DGKB: variants seen among roughly 807,000 people sequenced by gnomAD.
DGKB encodes diacylglycerol kinase beta.
A neutral mutation model predicts 114.3 loss-of-function variants in DGKB; 67 were observed. The ratio of observed to expected loss-of-function variants is 0.59; its 90% CI spans 0.48 to 0.72. DGKB has a LOEUF of 0.72. Ranked by LOEUF, DGKB falls within the 30% of genes least tolerant of loss-of-function variation. The probability of loss-of-function intolerance (pLI) is 0.00; values close to 1 mark genes in which losing one functional copy is unlikely to be tolerated. For synonymous variants in DGKB, 398 were observed against 323.1 expected (o/e 1.23, Z -2.49); for missense variants, 907 against 975.2 (o/e 0.93, Z 0.93).
rs534652424 is a variant in DGKB, at chr7:14,203,130, C to T, written c.2123-24979G>A. 8.3e-5 allele frequency among the ~76,000 whole-genome samples: 10 copies of T among 120,086 alleles called. No individual in the cohort carries two copies. The East Asian group carries it at 1.3e-3, about 16-fold the overall frequency. 78.8% of individuals were successfully genotyped at this position (120,086 alleles called of 152,430 possible). A position where few individuals can be genotyped will look rare whatever the true frequency, so the allele number is the denominator to read the frequency against. The stretch of plus-strand genomic sequence containing the variant: ...TCAACAGATGTGCGAATAATCTCTA[C>T]TTCGGGGCCAGTATCAAAAAGAGCA... On this transcript the variant is annotated intron_variant, in intron 23 of 25. Transcript: ENST00000402815.
intron 21 of DGKB, among the ~76,000 whole-genome samples, chr7:14,353,154 T>C (rs1395447153): frequency 6.6e-6 from 1 of 152,142 alleles, no homozygotes; most frequent in Non-Finnish European, 1.5e-5. Flanking sequence ...CAAATGTCTC[T>C]CATTATATAC....
chr7:14,537,908 C>G (rs1792779068), intron 20 of DGKB, among the ~76,000 whole-genome samples: 1 of 151,952 alleles, frequency 6.6e-6, no homozygotes, highest in African/African-American at 2.4e-5. Flanking sequence ...TGGAGAAACC[C>G]CGTCTCTACT....
intron 2 of DGKB, among the ~76,000 whole-genome samples, chr7:14,830,838 T>C (rs889956545): frequency 6.6e-6 from 1 of 152,032 alleles, no homozygotes; most frequent in Admixed American, 6.6e-5. Context: ...TATTTTTCTA[T>C]GTTCATTTTA....
intron 17 of DGKB, among the ~76,000 whole-genome samples, chr7:14,589,740 C>T (rs1009294861): frequency 6.6e-6 from 1 of 151,986 alleles, no homozygotes; most frequent in Admixed American, 6.6e-5. Context: ...TCCTTTCAGG[C>T]ACCCAAATTG....
chr7:14,491,439 C>G (rs1286524205), intron 20 of DGKB, among the ~76,000 whole-genome samples: 1 of 152,024 alleles, frequency 6.6e-6, no homozygotes, highest in Non-Finnish European at 1.5e-5. Flanking sequence ...TACCCAGTCT[C>G]AGGTATGTCT....
intron 5 of DGKB, among the ~76,000 whole-genome samples, chr7:14,730,283 T>C (rs1426481842): frequency 2.6e-5 from 4 of 152,210 alleles, no homozygotes; most frequent in African/African-American, 9.7e-5. Context: ...GGAGTTGGCA[T>C]GGGTGGCGAT....
At chr7:14,726,667 C>T (rs1830078935) in intron 5 of DGKB, among the ~76,000 whole-genome samples, 1 of 152,204 alleles carries the variant, frequency 6.6e-6, no homozygotes, top group Admixed American at 6.5e-5. Flanking sequence ...ATGTCTTGGG[C>T]CATCCATCAT....
intron 13 of DGKB, among the ~76,000 whole-genome samples, chr7:14,647,630 T>G (rs56300732): frequency 0.68 from 102,719 of 151,484 alleles, 35,271 homozygotes; most frequent in East Asian, 0.79. Flanking sequence ...AGATAATTCA[T>G]GGGGGAGGAG....
chr7:14,359,390 T>A (rs1815249353), intron 21 of DGKB, among the ~76,000 whole-genome samples: 1 of 152,132 alleles, frequency 6.6e-6, no homozygotes, highest in Non-Finnish European at 1.5e-5. Flanking sequence ...GGCAATACCA[T>A]TCTGGACATA....
intron 13 of DGKB, among the ~76,000 whole-genome samples, chr7:14,637,692 A>G (rs991728173): frequency 6.6e-6 from 1 of 151,538 alleles, no homozygotes; most frequent in Non-Finnish European, 1.5e-5. Flanking sequence ...CAGACACTAA[A>G]CTCATCTTGG....
chr7:14,516,880 C>T (rs1183812410), intron 20 of DGKB, among the ~76,000 whole-genome samples: 1 of 151,972 alleles, frequency 6.6e-6, no homozygotes, highest in African/African-American at 2.4e-5. Flanking sequence ...GGCCATACTG[C>T]CCAAAGCAAC....
intron 21 of DGKB, among the ~76,000 whole-genome samples, chr7:14,354,095 C>A (rs1814015697): frequency 6.6e-6 from 1 of 152,020 alleles, no homozygotes; most frequent in South Asian, 2.1e-4. Flanking sequence ...AATACAGTCA[C>A]CTTGTGGTGT....
chr7:14,809,351 G>A (rs1843142868), intron 2 of DGKB, among the ~76,000 whole-genome samples: 1 of 152,184 alleles, frequency 6.6e-6, no homozygotes, highest in East Asian at 1.9e-4. Flanking sequence ...ATGAATAGAG[G>A]CCATGTTTTC....
chr7:14,833,116 C>T (rs1316037912), intron 2 of DGKB, among the ~76,000 whole-genome samples: 1 of 151,998 alleles, frequency 6.6e-6, no homozygotes, highest in Non-Finnish European at 1.5e-5. Flanking sequence ...TTCATTCTGC[C>T]TCTAGATACT....
intron 21 of DGKB, among the ~76,000 whole-genome samples, chr7:14,418,387 A>G (rs183572173): frequency 0.01 from 1,495 of 145,932 alleles, 17 homozygotes; most frequent in South Asian, 0.03. Context: ...ATATATATAT[A>G]TATATACACA....
chr7:14,664,814 G>T (rs954053160), intron 13 of DGKB, among the ~76,000 whole-genome samples: 3 of 151,726 alleles, frequency 2.0e-5, no homozygotes, highest in Non-Finnish European at 4.4e-5. Flanking sequence ...ACTCTGAATT[G>T]CAGGAAAGAA....
At chr7:14,542,103 AC>A (rs1342221739) in intron 20 of DGKB, among the ~76,000 whole-genome samples, 1 of 152,096 alleles carries the variant, frequency 6.6e-6, no homozygotes, top group Non-Finnish European at 1.5e-5. Flanking sequence ...AATTGCCTTT[AC>A]AAAATTCTAC....
chr7:14,665,483 T>C (rs1448449502), intron 13 of DGKB, among the ~76,000 whole-genome samples: 1 of 152,018 alleles, frequency 6.6e-6, no homozygotes, highest in African/African-American at 2.4e-5. Context: ...AGCTTACCTA[T>C]ATAATAAACC....
At chr7:14,232,211 T>G (rs769834799) in intron 23 of DGKB, among the ~76,000 whole-genome samples, 1 of 151,890 alleles carries the variant, frequency 6.6e-6, no homozygotes, top group African/African-American at 2.4e-5. Flanking sequence ...ACATTCACGC[T>G]CCCTAGAATC....
Sources: allele counts gnomAD v4.1 joint callset (sites outside exome capture counted in the v4.1 genomes callset), GRCh38; gene constraint gnomAD v4.1.1; transcripts MANE v1.5; gene names NCBI Gene and HGNC (gene_info 2026-07-23, HGNC 2026-07-21).